The following FAR2 variants were observed in gnomAD, a reference collection of about 807,000 sequenced individuals.
The protein encoded by FAR2 is fatty acyl-CoA reductase 2.
A neutral mutation model predicts 56.0 loss-of-function variants in FAR2; 19 were observed. The ratio of observed to expected loss-of-function variants is 0.34; its 90% CI spans 0.24 to 0.50. The LOEUF (loss-of-function observed/expected upper bound fraction) is 0.50. Among genes scored for constraint, FAR2 ranks in the 20% least tolerant of loss-of-function variants. The probability of loss-of-function intolerance (pLI) is 0.98; values close to 1 mark genes in which losing one functional copy is unlikely to be tolerated. For synonymous variants in FAR2, 219 were observed against 218.8 expected (o/e 1.00, Z -0.01); for missense variants, 508 against 642.2 (o/e 0.79, Z 2.26).
At chr12:29,175,753 C>T (rs996763800) in intron 1 of FAR2, among the ~76,000 whole-genome samples, 1 of 152,110 alleles carries the variant, frequency 6.6e-6, no homozygotes, top group Non-Finnish European at 1.5e-5. Flanking sequence ...CGTTTACAAT[C>T]CTTTAGCGAG....
intron 1 of FAR2, among the ~76,000 whole-genome samples, chr12:29,260,042 A>G (rs1017409098): frequency 1.3e-5 from 2 of 152,202 alleles, no homozygotes; most frequent in Non-Finnish European, 2.9e-5. Flanking sequence ...CATATGTGCT[A>G]TTATTGACTG....
At chr12:29,307,051 G>C (rs1356142986) in intron 4 of FAR2, among the ~76,000 whole-genome samples, 2 of 152,126 alleles carry the variant, frequency 1.3e-5, no homozygotes, top group East Asian at 3.9e-4. Context: ...CAGGATTACT[G>C]CACTGGATTT....
rs1021345708 is a variant in FAR2 at position 29,253,341 on chromosome 12, A to C, written c.-38-17071A>C. On this transcript the variant is annotated intron_variant, in intron 1 of 11. Coordinates refer to ENST00000536681, the MANE Select transcript of FAR2 (RefSeq NM_001271783.2). ...TATATCTATCTAGATAGATATCTAT[A>C]TATCTATATCTATCTATACAGATAT... is the stretch of plus-strand genomic sequence containing the variant. 9.9e-5 allele frequency among the ~76,000 whole-genome samples: 15 copies of C among 151,334 alleles called. 2 individuals carry two copies. Among genetic ancestry groups the C allele is most frequent in the African/African-American group, 3.6e-4 (15 of 41,338 alleles).
At chr12:29,296,682 A>T (rs1949077665) in intron 3 of FAR2, among the ~76,000 whole-genome samples, 1 of 152,214 alleles carries the variant, frequency 6.6e-6, no homozygotes, top group African/African-American at 2.4e-5. Flanking sequence ...TTAGATGCTT[A>T]ATTTACATGT....
intron 1 of FAR2, among the ~76,000 whole-genome samples, chr12:29,197,926 T>G (rs1216805120): frequency 3.9e-5 from 6 of 152,194 alleles, no homozygotes; most frequent in Non-Finnish European, 7.3e-5. Context: ...AAAACTCATC[T>G]CTATGGATTG....
chr12:29,216,469 ATG>A (rs1591859040), intron 1 of FAR2, among the ~76,000 whole-genome samples: 2 of 74,782 alleles, frequency 2.7e-5, no homozygotes, highest in South Asian at 7.6e-4. Context: ...TATTGCTCTC[ATG>A]TGTACAGCAG....
At chr12:29,194,376 ATTTC>A (rs1351708390) in intron 1 of FAR2, among the ~76,000 whole-genome samples, 1 of 152,090 alleles carries the variant, frequency 6.6e-6, no homozygotes, top group African/African-American at 2.4e-5. Context: ...CTAAATGCGC[ATTTC>A]TTCCTAGGTA....
intron 3 of FAR2, among the ~76,000 whole-genome samples, chr12:29,296,605 A>G (rs752439363): frequency 1.4e-4 from 21 of 152,202 alleles, no homozygotes; most frequent in Admixed American, 1.3e-4. Context: ...AGAGCAACTT[A>G]CATTGCTCCT....
At chr12:29,169,391 T>G (rs1189400943) in intron 1 of FAR2, among the ~76,000 whole-genome samples, 1 of 152,052 alleles carries the variant, frequency 6.6e-6, no homozygotes. Flanking sequence ...CACCTGTAGC[T>G]CGATGGCCTT....
At chr12:29,294,505 G>T (rs148141110) in intron 3 of FAR2, among the ~76,000 whole-genome samples, 1 of 152,078 alleles carries the variant, frequency 6.6e-6, no homozygotes, top group South Asian at 2.1e-4. Context: ...CTGCCACCAC[G>T]CTCGGCTAAT....
At chr12:29,221,727 A>T (rs1457929209) in intron 1 of FAR2, among the ~76,000 whole-genome samples, 1 of 152,174 alleles carries the variant, frequency 6.6e-6, no homozygotes, top group Non-Finnish European at 1.5e-5. Flanking sequence ...TATCATTATT[A>T]TTACCACCAA....
At chr12:29,322,741 T>C (rs939447801) in intron 10 of FAR2, among the ~76,000 whole-genome samples, 1 of 152,240 alleles carries the variant, frequency 6.6e-6, no homozygotes, top group Non-Finnish European at 1.5e-5. Context: ...AATGTATCTT[T>C]TGTTTTATTT....
At chr12:29,240,658 T>C (rs1261024574) in intron 1 of FAR2, among the ~76,000 whole-genome samples, 1 of 152,170 alleles carries the variant, frequency 6.6e-6, no homozygotes, top group Non-Finnish European at 1.5e-5. Flanking sequence ...AGGCAGCGTT[T>C]AGTAACTATA....
intron 1 of FAR2, among the ~76,000 whole-genome samples, chr12:29,257,451 A>C (rs1438882510): frequency 6.6e-6 from 1 of 152,174 alleles, no homozygotes; most frequent in Non-Finnish European, 1.5e-5. Context: ...AGAGAATAAA[A>C]GCAGGCTGCC....
At chr12:29,299,878 G>A (rs1369030205) in intron 4 of FAR2, among the ~76,000 whole-genome samples, 4 of 152,190 alleles carry the variant, frequency 2.6e-5, no homozygotes, top group Admixed American at 6.5e-5. Flanking sequence ...GCTCCCCAGC[G>A]AAGCTCTCTG....
At chr12:29,284,787 G>C (rs573708540) in intron 2 of FAR2, among the ~76,000 whole-genome samples, 1 of 152,192 alleles carries the variant, frequency 6.6e-6, no homozygotes, top group South Asian at 2.1e-4. Context: ...CATCTTCAAA[G>C]AAAAGCCCAC....
chr12:29,187,024 G>A (rs944117242), intron 1 of FAR2, among the ~76,000 whole-genome samples: 10 of 151,992 alleles, frequency 6.6e-5, no homozygotes, highest in Non-Finnish European at 1.2e-4. Flanking sequence ...TCCTGGCCTC[G>A]TGATCCGCCC....
chr12:29,203,796 G>A (rs978877892), intron 1 of FAR2, among the ~76,000 whole-genome samples: 4 of 151,730 alleles, frequency 2.6e-5, no homozygotes, highest in East Asian at 1.9e-4. Context: ...TCAGGAGATC[G>A]AGACCATCCT....
rs554054081 is a variant in FAR2 at position 29,169,860 on chromosome 12, G to A, written c.-39+20453G>A. Among the ~76,000 whole-genome samples the A allele has an allele frequency of 8.6e-4, 131 of 152,294 alleles. 1 individual carries two copies. Among genetic ancestry groups the A allele is most frequent in the African/African-American group, 3.0e-3 (125 of 41,552 alleles). ...TCTGTAGCAGCAGCCATTCCTAACC[G>A]TATAAGTAGGGGTATTAGTTGTATG... On this transcript the variant is annotated intron_variant, in intron 1 of 11. Coordinates refer to ENST00000536681, the MANE Select transcript of FAR2 (RefSeq NM_001271783.2).
Sources: allele counts gnomAD v4.1 joint callset (sites outside exome capture counted in the v4.1 genomes callset), GRCh38; gene constraint gnomAD v4.1.1; transcripts MANE v1.5; gene names NCBI Gene and HGNC (gene_info 2026-07-23, HGNC 2026-07-21).